Variants in THSD7A observed in about 807,000 individuals in gnomAD.
THSD7A encodes thrombospondin type 1 domain containing 7A.
THSD7A carries 96 observed loss-of-function variants against 231.3 expected under a neutral mutation model. The observed-to-expected ratio is 0.41, with a 90% CI of 0.35 to 0.49. The LOEUF (loss-of-function observed/expected upper bound fraction) is 0.49, where lower values mean the gene tolerates loss of function less well. THSD7A is among the 20% of genes least tolerant of loss of function. The probability of loss-of-function intolerance (pLI) is 0.05; values close to 1 mark genes in which losing one functional copy is unlikely to be tolerated. For synonymous variants in THSD7A, 940 were observed against 743.3 expected, an observed-to-expected ratio of 1.26 and a Z score of -4.30; for missense variants, 2,290 against 2,070.2, an observed-to-expected ratio of 1.11 and a Z score of -2.06.
chr7:11,767,913 G>A (rs1009427555), intron 1 of THSD7A, among the ~76,000 whole-genome samples: 7 of 152,092 alleles, frequency 4.6e-5, no homozygotes, highest in African/African-American at 1.7e-4. Context: ...AAGGAGAGAT[G>A]ACTTTAAGAC....
chr7:11,636,418 G>T lies in THSD7A; in HGVS notation c.734C>A (p.Pro245Gln), dbSNP rs2128360368. 6.2e-7 allele frequency: 1 copy of T among 1,613,642 alleles called. No homozygotes were observed. The highest frequency in any genetic ancestry group is 8.5e-7 in the Non-Finnish European group (1 of 1,179,856). Residue 245 changes from proline (P) to glutamine (Q), a missense_variant, in exon 2 of 28, where the codon CCA becomes CAA. Physicochemically the swap from Pro to Gln is moderately conservative, Grantham distance 76 (BLOSUM62 -1). Transcript: ENST00000423059. The surrounding 1 kb of genome is among the most constrained non-coding windows in gnomAD (Gnocchi z 10.0). ...LTEFQVCQSS[P>Q]CEAEELRYSL... ...GTACCTGAGCTCCTCGGCCTCGCAT[G>T]GACTGGATTGGCACACCTGGAACTC...
chr7:11,820,520 C>A, intron 1 of THSD7A: 2 of 758,716 alleles, frequency 2.6e-6, no homozygotes, highest in South Asian at 2.0e-5. Context: ...AATCTAGGTC[C>A]CACTCCTCTT....
At position 11,424,958 on chromosome 7, in the gene THSD7A, C is replaced by T. The variant is rs189141384; in HGVS notation, c.3250-129G>A. 179 of 1,137,878 alleles carry T rather than the reference C, an allele frequency of 1.6e-4. 1 individual carries two copies. In the African/African-American group the frequency reaches 2.4e-3, roughly 15 times the overall value. The allele number at this position is 1,137,878 out of a possible 1,614,324, so 70.5% of individuals were successfully genotyped here. On this transcript the variant is annotated intron_variant, in intron 15 of 27. Coordinates refer to ENST00000423059, the MANE Select transcript of THSD7A (RefSeq NM_015204.3). ...CTCCCCTCCTTTACTGCTTATTATTCTAACATTGCAATAGAGAGAACTCAA... is the reference window on the plus strand; with the variant it reads ...CTCCCCTCCTTTACTGCTTATTATTTTAACATTGCAATAGAGAGAACTCAA...
chr7:11,628,274 A>C (rs981425864), intron 2 of THSD7A, among the ~76,000 whole-genome samples: 1 of 152,086 alleles, frequency 6.6e-6, no homozygotes, highest in African/African-American at 2.4e-5. Flanking sequence ...GGTTTTCTCC[A>C]TTTCTCTTCT....
chr7:11,682,517 C>A (rs959370868), intron 1 of THSD7A, among the ~76,000 whole-genome samples: 4 of 151,910 alleles, frequency 2.6e-5, no homozygotes, highest in Non-Finnish European at 2.9e-5. Flanking sequence ...ACAATAATAA[C>A]AAAACAAAGA....
intron 1 of THSD7A, among the ~76,000 whole-genome samples, chr7:11,784,391 T>C (rs61147905): frequency 0.032 from 4,904 of 151,930 alleles, 257 homozygotes; most frequent in African/African-American, 0.11. Context: ...TTTTCAAATA[T>C]TGCCATCTGA....
chr7:11,674,458 C>T (rs1783551011), intron 1 of THSD7A, among the ~76,000 whole-genome samples: 1 of 152,066 alleles, frequency 6.6e-6, no homozygotes, highest in African/African-American at 2.4e-5. Context: ...TATCTGCTGG[C>T]TCTTAGTTTT....
intron 1 of THSD7A, among the ~76,000 whole-genome samples, chr7:11,667,945 T>C (rs1004352407): frequency 2.6e-5 from 4 of 152,176 alleles, no homozygotes; most frequent in African/African-American, 9.7e-5. Context: ...TGTACTCTTT[T>C]AGAATAAGAA....
At chr7:11,746,911 A>T (rs1427249436) in intron 1 of THSD7A, among the ~76,000 whole-genome samples, 1 of 151,760 alleles carries the variant, frequency 6.6e-6, no homozygotes, top group African/African-American at 2.4e-5. Flanking sequence ...ATTTTTTGAA[A>T]GATAATATTG....
rs942786703 is a variant in THSD7A, at chr7:11,753,351, G to A, written c.190+78406C>T. On this transcript the variant is annotated intron_variant, in intron 1 of 27. Transcript: ENST00000423059. Reference sequence around the variant, plus strand: ...TTCTGAAGTCAAATTGTAATAACTCGCTGGTATGCATTATTGCAATGTCTA... The same window carrying A: ...TTCTGAAGTCAAATTGTAATAACTCACTGGTATGCATTATTGCAATGTCTA... 2.0e-5 allele frequency among the ~76,000 whole-genome samples: 3 copies of A among 151,966 alleles called. No homozygotes were observed. In the South Asian group the frequency reaches 6.2e-4, roughly 32 times the overall value.
At chr7:11,500,771 C>T (rs535978910) in intron 6 of THSD7A, among the ~76,000 whole-genome samples, 29 of 151,946 alleles carry the variant, frequency 1.9e-4, no homozygotes, top group Non-Finnish European at 3.2e-4. Flanking sequence ...CCCATCTCTA[C>T]TAAAAATACA....
At chr7:11,413,121 T>C (rs1783839892) in intron 17 of THSD7A, among the ~76,000 whole-genome samples, 1 of 151,454 alleles carries the variant, frequency 6.6e-6, no homozygotes, top group Non-Finnish European at 1.5e-5. Flanking sequence ...TATTATTATA[T>C]ATATAATTAT....
At chr7:11,563,651 G>T (rs924999561) in intron 4 of THSD7A, among the ~76,000 whole-genome samples, 4 of 152,108 alleles carry the variant, frequency 2.6e-5, no homozygotes, top group African/African-American at 9.7e-5. Flanking sequence ...CATGAGCCAC[G>T]ATGCCCAGCC....
chr7:11,636,561 C>T lies in THSD7A; in HGVS notation c.591G>A (p.Val197=), dbSNP rs1419236042. The change falls in exon 2 of 28, where the codon GTG becomes GTA. Residue 197 remains valine, a synonymous_variant. Transcript: ENST00000423059. This position sits in a 1 kb window ranked among gnomAD's most constrained non-coding sequence, Gnocchi z 10.0. ...ATTCGGACCAGGCAGAAAATTCAGA[C>T]ACGATGCAATCTTGCTGGCAAGGAA... ...CLIPCQQDCI[V]SEFSAWSECS... is the part of the protein sequence containing the mutation. 4.3e-6 allele frequency: 7 copies of T among 1,613,860 alleles called. No individual in the cohort carries two copies. The highest frequency in any genetic ancestry group is 5.9e-6 in the Non-Finnish European group (7 of 1,179,896).
At chr7:11,641,762 T>C (rs1216051184) in intron 1 of THSD7A, among the ~76,000 whole-genome samples, 1 of 120,626 alleles carries the variant, frequency 8.3e-6, no homozygotes, top group East Asian at 2.0e-4. Flanking sequence ...TAAAATAAAA[T>C]AAAATATAAT....
chr7:11,628,511 C>A (rs970333131), intron 2 of THSD7A, among the ~76,000 whole-genome samples: 4 of 152,128 alleles, frequency 2.6e-5, no homozygotes, highest in African/African-American at 9.7e-5. Flanking sequence ...CAACCTCCTT[C>A]CAGGAAGAAC....
intron 1 of THSD7A, among the ~76,000 whole-genome samples, chr7:11,642,834 T>C (rs952009447): frequency 6.6e-6 from 1 of 152,112 alleles, no homozygotes; most frequent in Non-Finnish European, 1.5e-5. Flanking sequence ...ATAATGTGCC[T>C]ATCCTCTTGA....
intron 1 of THSD7A, among the ~76,000 whole-genome samples, chr7:11,740,122 C>T (rs1338377812): frequency 6.6e-6 from 1 of 151,932 alleles, no homozygotes; most frequent in Non-Finnish European, 1.5e-5. Flanking sequence ...ATTATGCTTA[C>T]AGGGACACTA....
At chr7:11,662,804 C>CATGG (rs770446165) in intron 1 of THSD7A, among the ~76,000 whole-genome samples, 30 of 151,316 alleles carry the variant, frequency 2.0e-4, no homozygotes, top group Non-Finnish European at 2.1e-4. Flanking sequence ...TAACAGCACA[C>CATGG]ATCTAAACAC....
Sources: allele counts gnomAD v4.1 joint callset (sites outside exome capture counted in the v4.1 genomes callset), GRCh38; gene constraint gnomAD v4.1.1; non-coding constraint Gnocchi (gnomAD v3.1); transcripts MANE v1.5; gene names NCBI Gene and HGNC (gene_info 2026-07-23, HGNC 2026-07-21).